Variants in PLEKHH2 observed in about 807,000 individuals in gnomAD.
PLEKHH2 encodes pleckstrin homology, MyTH4 and FERM domain containing H2.
In PLEKHH2, 129 loss-of-function variants were observed where a neutral mutation model predicts 187.9. That is an observed-to-expected ratio of 0.69 (90% CI 0.59 to 0.79). The LOEUF (loss-of-function observed/expected upper bound fraction) is 0.79. PLEKHH2 is among the 30% of genes least tolerant of loss of function. The probability of loss-of-function intolerance (pLI) is 0.00; values close to 1 mark genes in which losing one functional copy is unlikely to be tolerated. For missense variants in PLEKHH2, 2,076 were observed against 1,751.2 expected, an observed-to-expected ratio of 1.19 and a Z score of -3.31; for synonymous variants, 686 against 605.6, an observed-to-expected ratio of 1.13 and a Z score of -1.95.
At position 43,700,426 on chromosome 2, in the gene PLEKHH2, G is replaced by A; in HGVS notation, c.1468G>A (p.Asp490Asn). 2 of 1,614,050 alleles carry A rather than the reference G, an allele frequency of 1.2e-6. No homozygotes were observed. The highest frequency in any genetic ancestry group is 3.3e-5 in the Admixed American group (2 of 60,010). Residue 490 changes from aspartate (D) to asparagine (N), a missense_variant, in exon 8 of 30, where the codon GAT (aspartate) becomes AAT (asparagine). Coordinates refer to ENST00000282406, the MANE Select transcript of PLEKHH2 (RefSeq NM_172069.4). ...ACTGAGACCTCAGGAAACTGATCTT[G>A]ATCTAGTTGATGGAGACAGTACAGA... Reference protein sequence around the residue: ...RPLRPQETDLDLVDGDSTEVL... With the variant: ...RPLRPQETDLNLVDGDSTEVL...
At chr2:43,709,144 T>C (rs947038753) in intron 11 of PLEKHH2, among the ~76,000 whole-genome samples, 1 of 152,252 alleles carries the variant, frequency 6.6e-6, no homozygotes, top group African/African-American at 2.4e-5. Context: ...CATTGAATTT[T>C]ATGTTATAGC....
In PLEKHH2 at chr2:43,738,286, C is replaced by T. The variant is rs1001265863; in HGVS notation, c.2944-55C>T. On this transcript the variant is annotated intron_variant, in intron 19 of 29. Coordinates refer to ENST00000282406, the MANE Select transcript of PLEKHH2 (RefSeq NM_172069.4). ...GAAAAGATATTCGATATAATTCATG[C>T]AGAATAAATCTAATCACTCCTCACC... 10 of 1,365,154 alleles carry T rather than the reference C, an allele frequency of 7.3e-6. No homozygotes were observed. The African/African-American group carries it at 1.3e-4, about 18-fold the overall frequency. 84.6% of individuals were successfully genotyped at this position (1,365,154 alleles called of 1,614,324 possible). A position where few individuals can be genotyped will look rare whatever the true frequency, so the allele number is the denominator to read the frequency against.
chr2:43,764,361 C>T lies in PLEKHH2; in HGVS notation c.4292C>T (p.Pro1431Leu). Residue 1431 changes from proline (P) to leucine (L), a missense_variant, in exon 29 of 30, where the codon CCC (proline) becomes CTC (leucine). By Grantham distance (98) the Pro-to-Leu change is moderately conservative. Coordinates refer to ENST00000282406, the MANE Select transcript of PLEKHH2 (RefSeq NM_172069.4). ...AAATTACTTTTTGCCATGGCAAAAC[C>T]CAAGGTGAGTAGAAGCCTTTCTGCC... ...TEKLLFAMAK[P>L]KILEITLLIA... is the part of the protein sequence containing the mutation. 1 of 1,612,094 alleles carries T rather than the reference C, an allele frequency of 6.2e-7. No homozygotes were observed. Among genetic ancestry groups the T allele is most frequent in the Non-Finnish European group, 8.5e-7 (1 of 1,179,020 alleles).
chr2:43,654,589 C>T (rs1483902651), intron 2 of PLEKHH2, among the ~76,000 whole-genome samples: 2 of 142,832 alleles, frequency 1.4e-5, no homozygotes, highest in African/African-American at 5.4e-5. Flanking sequence ...TTTTTAATGG[C>T]CAGCATTGGC....
chr2:43,668,377 T>C (rs896949846), intron 2 of PLEKHH2, among the ~76,000 whole-genome samples: 5 of 152,142 alleles, frequency 3.3e-5, no homozygotes, highest in Non-Finnish European at 5.9e-5. Context: ...TATACATAGA[T>C]GTAAATAGTT....
chr2:43,670,321 G>A (rs1667434928), intron 2 of PLEKHH2, among the ~76,000 whole-genome samples: 1 of 152,132 alleles, frequency 6.6e-6, no homozygotes, highest in African/African-American at 2.4e-5. Context: ...ATAGCAAGCA[G>A]CTATTAGCAA....
intron 6 of PLEKHH2, 119 bp from the exon 7 acceptor site, chr2:43,697,052 C>A (rs1669129119): frequency 2.7e-6 from 2 of 746,066 alleles, no homozygotes; most frequent in Admixed American, 3.1e-5. Context: ...TAAAGATGAA[C>A]TTTAGGCTTT....
chr2:43,700,315 C>G lies in PLEKHH2; in HGVS notation c.1357C>G (p.Leu453Val), dbSNP rs1271832880. 1.2e-6 allele frequency: 2 copies of G among 1,614,014 alleles called. No individual in the cohort carries two copies. The highest frequency in any genetic ancestry group is 2.2e-5 in the South Asian group (2 of 91,086). Residue 453 changes from leucine to valine, a missense_variant, in exon 8 of 30, where the codon CTA becomes GTA. By Grantham distance (32) the Leu-to-Val change is conservative. Coordinates refer to ENST00000282406, the MANE Select transcript of PLEKHH2 (RefSeq NM_172069.4). The part of the protein sequence containing the change: ...IPNVFSISVA[L>V]AKRHLSQPQL... ...TAATGTTTTCAGTATAAGTGTAGCA[C>G]TAGCCAAAAGGCACTTAAGCCAGCC...
At chr2:43,705,595 C>G (rs1669620663) in intron 9 of PLEKHH2, among the ~76,000 whole-genome samples, 1 of 152,068 alleles carries the variant, frequency 6.6e-6, no homozygotes, top group Non-Finnish European at 1.5e-5. Context: ...TCAGATTTAC[C>G]TGATAAAGGC....
chr2:43,710,289 T>C lies in PLEKHH2; in HGVS notation c.2173T>C (p.Phe725Leu). ...GKVKSWKRRW[F>L]VLKGGELLYY... ...AGTCAAGTCTTGGAAGCGGCGGTGG[T>C]TTGTTCTTAAAGGTGGTGAATTACT... The change falls in exon 13 of 30, where the codon TTT (phenylalanine) becomes CTT (leucine). Residue 725 changes from phenylalanine to leucine, a missense_variant. Phe to Leu is a conservative substitution (Grantham distance 22, BLOSUM62 0). Coordinates refer to ENST00000282406, the MANE Select transcript of PLEKHH2 (RefSeq NM_172069.4). 1 of 1,614,086 alleles carries C rather than the reference T, an allele frequency of 6.2e-7. No individual in the cohort carries two copies. Among genetic ancestry groups the C allele is most frequent in the Non-Finnish European group, 8.5e-7 (1 of 1,179,998 alleles).
chr2:43,697,770 C>T (rs1669159198), intron 7 of PLEKHH2, among the ~76,000 whole-genome samples: 1 of 152,044 alleles, frequency 6.6e-6, no homozygotes, highest in Non-Finnish European at 1.5e-5. Flanking sequence ...TAAAACATTA[C>T]TTAATATTAC....
In PLEKHH2 at chr2:43,700,622, C is replaced by A. The variant is rs748105668; in HGVS notation, c.1650+14C>A. ...TTTCCTTCTTGGGTAATTATATCAC[C>A]GCATGTAACACATACGCAGTAGTTT... On this transcript the variant is annotated intron_variant, in intron 8 of 29. Transcript: ENST00000282406. 1 of 1,594,980 alleles carries A rather than the reference C, an allele frequency of 6.3e-7. No individual in the cohort carries two copies. Among genetic ancestry groups the A allele is most frequent in the Non-Finnish European group, 8.5e-7 (1 of 1,174,478 alleles).
rs201656648 is a variant in PLEKHH2, at chr2:43,720,733, G to C, written c.2525G>C (p.Arg842Pro). 1.2e-6 allele frequency: 2 copies of C among 1,609,356 alleles called. No homozygotes were observed. Among genetic ancestry groups the C allele is most frequent in the South Asian group, 2.2e-5 (2 of 90,048 alleles). ...ATAGGAAAGACATTATATTATTTTC[G>C]GAGTCAAGAAGATAAGGTATGTATG... Reference protein sequence around the residue: ...TLIGKTLYYFRSQEDKFPLGQ... With the variant: ...TLIGKTLYYFPSQEDKFPLGQ... The change falls in exon 16 of 30, where the codon CGG becomes CCG. Residue 842 changes from arginine to proline, a missense_variant. By Grantham distance (103) the Arg-to-Pro change is moderately radical. Transcript: ENST00000282406.
At chr2:43,676,023 G>A in intron 2 of PLEKHH2, 1 of 1,613,922 alleles carries the variant, frequency 6.2e-7, no homozygotes, top group African/African-American at 1.3e-5. Flanking sequence ...TAGTATCGTA[G>A]AGCTCTGCTT....
At chr2:43,760,430 T>C (rs1672380516) in intron 27 of PLEKHH2, among the ~76,000 whole-genome samples, 2 of 148,346 alleles carry the variant, frequency 1.3e-5, no homozygotes, top group Admixed American at 1.4e-4. Context: ...TGGTGCAATC[T>C]TGACTCACTG....
rs145630184 is a variant in PLEKHH2, at chr2:43,656,246, T to A, written c.123+11450T>A. On this transcript the variant is annotated intron_variant, in intron 2 of 29. Coordinates refer to ENST00000282406, the MANE Select transcript of PLEKHH2 (RefSeq NM_172069.4). ...TGCTGGGATTACAGGCATGAGTCAC[T>A]GTGCCCAGCCTATCTTAACAATTTA... Among the ~76,000 whole-genome samples, 1,094 of 152,310 alleles carry A rather than the reference T, an allele frequency of 7.2e-3. 7 individuals carry two copies. Among genetic ancestry groups the A allele is most frequent in the South Asian group, 0.033 (161 of 4,826 alleles).
In PLEKHH2 at chr2:43,753,552, A is replaced by G. The variant is rs1372034373; in HGVS notation, c.3654-67A>G. On this transcript the variant is annotated intron_variant, in intron 24 of 29. Transcript: ENST00000282406. ...AAACAACCCCATCTCAGTCCTCTGGATTTATCTTTACTTTATTTCCTTGTA... is the reference window on the plus strand; with the variant it reads ...AAACAACCCCATCTCAGTCCTCTGGGTTTATCTTTACTTTATTTCCTTGTA... 3.8e-6 allele frequency: 5 copies of G among 1,303,750 alleles called. No homozygotes were observed. The East Asian group carries it at 1.1e-4, about 27-fold the overall frequency. 80.8% of individuals were successfully genotyped at this position (1,303,750 alleles called of 1,614,324 possible). A position where few individuals can be genotyped will look rare whatever the true frequency, so the allele number is the denominator to read the frequency against.
rs751302408 is a variant in PLEKHH2, at chr2:43,729,778, G to C, written c.2830+33G>C. 7 of 1,452,836 alleles carry C rather than the reference G, an allele frequency of 4.8e-6. No individual in the cohort carries two copies. In the East Asian group the frequency reaches 1.7e-4, roughly 35 times the overall value. 90.0% of individuals were successfully genotyped at this position (1,452,836 alleles called of 1,614,324 possible). A position where few individuals can be genotyped will look rare whatever the true frequency, so the allele number is the denominator to read the frequency against. Reference sequence around the variant, plus strand: ...CATAAACATATAAATAAAGCTTTATGGTTAATGAAATGGACCTCAACCCGC... The same window carrying C: ...CATAAACATATAAATAAAGCTTTATCGTTAATGAAATGGACCTCAACCCGC... On this transcript the variant is annotated intron_variant, in intron 18 of 29. Transcript: ENST00000282406.
At chr2:43,708,447 T>A (rs1277432483) in intron 11 of PLEKHH2, among the ~76,000 whole-genome samples, 1 of 152,220 alleles carries the variant, frequency 6.6e-6, no homozygotes, top group African/African-American at 2.4e-5. Context: ...TTCCCCTAGA[T>A]GTCCGTATAG....
Sources: gnomAD v4.1 joint callset for allele counts (sites outside exome capture counted in the v4.1 genomes callset) on GRCh38, gnomAD v4.1.1 for gene constraint, MANE v1.5 for transcripts, NCBI Gene and HGNC (gene_info 2026-07-23, HGNC 2026-07-21) for gene names.